Variants in COMMD10 observed in about 807,000 individuals in gnomAD.
COMMD10 encodes COMM domain-containing protein 10.
COMMD10 carries 33 observed loss-of-function variants against 28.9 expected under a neutral mutation model. That is an observed-to-expected ratio of 1.14 (90% CI 0.87 to 1.53). The LOEUF (loss-of-function observed/expected upper bound fraction) is 1.53, where lower values mean the gene tolerates loss of function less well. Ranked by LOEUF, COMMD10 falls within the 40% of genes most tolerant of loss-of-function variation. The pLI, the probability that COMMD10 is intolerant of heterozygous loss-of-function variation, is 0.00. For synonymous variants in COMMD10, 110 were observed against 81.7 expected, an observed-to-expected ratio of 1.35 and a Z score of -1.87; for missense variants, 310 against 233.4, an observed-to-expected ratio of 1.33 and a Z score of -2.14.
chr5:116,115,076 C>G (rs1876673), intron 4 of COMMD10, among the ~76,000 whole-genome samples: 9,827 of 152,164 alleles, frequency 0.065, 426 homozygotes, highest in Admixed American at 0.12. Context: ...CCAGGTCACA[C>G]AATTTGTTAA....
At position 116,171,340 on chromosome 5, in the gene COMMD10, G is replaced by A. The variant is rs188126420; in HGVS notation, c.510+37162G>A. ...AAGTCAGGAAACACCAGATGCTGGA[G>A]AGGGTGTGGAGAAATAGAAATGCTT... On this transcript the variant is annotated intron_variant, in intron 5 of 6. Transcript: ENST00000274458. Among the ~76,000 whole-genome samples, 1,204 of 152,320 alleles carry A rather than the reference G, an allele frequency of 7.9e-3. 15 individuals carry two copies. The highest frequency in any genetic ancestry group is 0.027 in the African/African-American group (1,111 of 41,578).
At chr5:116,217,541 C>T (rs746219683) in intron 5 of COMMD10, among the ~76,000 whole-genome samples, 18 of 152,300 alleles carry the variant, frequency 1.2e-4, no homozygotes, top group South Asian at 2.1e-4. Flanking sequence ...GGAACCACTG[C>T]TCTTTTGACA....
intron 5 of COMMD10, among the ~76,000 whole-genome samples, chr5:116,203,384 A>G (rs1191993633): frequency 2.0e-5 from 3 of 152,264 alleles, no homozygotes; most frequent in Admixed American, 6.5e-5. Context: ...CAGGAAATAC[A>G]GAGAACGCCA....
chr5:116,089,201 G>T (rs941843200), intron 2 of COMMD10, among the ~76,000 whole-genome samples: 1 of 152,116 alleles, frequency 6.6e-6, no homozygotes, highest in African/African-American at 2.4e-5. Context: ...CATCTAATCC[G>T]TATGGCAACT....
intron 4 of COMMD10, among the ~76,000 whole-genome samples, chr5:116,093,061 T>C (rs1283670996): frequency 1.3e-5 from 2 of 152,194 alleles, no homozygotes; most frequent in Admixed American, 6.5e-5. Flanking sequence ...TGAATACATA[T>C]TGGTTTCATG....
chr5:116,129,036 G>T (rs1054316787), intron 4 of COMMD10, among the ~76,000 whole-genome samples: 11 of 151,728 alleles, frequency 7.2e-5, no homozygotes, highest in African/African-American at 2.4e-4. Flanking sequence ...GAGCAGTCGT[G>T]GGTAGATACT....
At chr5:116,179,625 A>G (rs1341687839) in intron 5 of COMMD10, among the ~76,000 whole-genome samples, 1 of 152,162 alleles carries the variant, frequency 6.6e-6, no homozygotes, top group Non-Finnish European at 1.5e-5. Context: ...GAAGGTATAC[A>G]ATAGGAATTA....
chr5:116,125,457 A>G (rs1221610512), intron 4 of COMMD10, among the ~76,000 whole-genome samples: 1 of 152,078 alleles, frequency 6.6e-6, no homozygotes, highest in African/African-American at 2.4e-5. Flanking sequence ...GGGTAACCCG[A>G]CCTTTGTCTC....
chr5:116,112,482 C>T (rs372848772), intron 4 of COMMD10, among the ~76,000 whole-genome samples: 38 of 152,054 alleles, frequency 2.5e-4, no homozygotes, highest in African/African-American at 8.0e-4. Flanking sequence ...CTGCAACCTC[C>T]GTCTCCCAGG....
At chr5:116,275,338 A>G (rs1750875520) in intron 5 of COMMD10, among the ~76,000 whole-genome samples, 1 of 151,826 alleles carries the variant, frequency 6.6e-6, no homozygotes, top group African/African-American at 2.4e-5. Context: ...GCTGGTGGGA[A>G]TATCCCCCAT....
At chr5:116,258,842 A>G (rs1750360938) in intron 5 of COMMD10, among the ~76,000 whole-genome samples, 1 of 151,152 alleles carries the variant, frequency 6.6e-6, no homozygotes, top group Admixed American at 6.6e-5. Flanking sequence ...TTTGTCTGAA[A>G]CCCGAATCTA....
intron 5 of COMMD10, among the ~76,000 whole-genome samples, chr5:116,206,358 T>C (rs1748813116): frequency 6.6e-6 from 1 of 152,144 alleles, no homozygotes; most frequent in Non-Finnish European, 1.5e-5. Flanking sequence ...AGCATAGACA[T>C]TGGAGACGGT....
chr5:116,140,529 A>T (rs1206252188), intron 5 of COMMD10, among the ~76,000 whole-genome samples: 3 of 151,856 alleles, frequency 2.0e-5, no homozygotes, highest in Non-Finnish European at 4.4e-5. Flanking sequence ...ATACCAATTT[A>T]CATTTCCACC....
chr5:116,258,722 T>G (rs551432525), intron 5 of COMMD10, among the ~76,000 whole-genome samples: 1 of 151,890 alleles, frequency 6.6e-6, no homozygotes, highest in East Asian at 1.9e-4. Flanking sequence ...CTTCGTCCTC[T>G]TTCTTTCTCT....
At chr5:116,085,193 C>T in intron 1 of COMMD10, 100 bp downstream of exon 1, 2 of 327,540 alleles carry the variant, frequency 6.1e-6, no homozygotes, top group South Asian at 2.5e-5. Flanking sequence ...GGCGCCGCGG[C>T]GGGCCCGGTT....
chr5:116,167,122 C>G (rs1198084515), intron 5 of COMMD10, among the ~76,000 whole-genome samples: 3 of 150,562 alleles, frequency 2.0e-5, no homozygotes, highest in African/African-American at 7.4e-5. Context: ...GCAGGAATTG[C>G]TAATTAAAAT....
intron 5 of COMMD10, among the ~76,000 whole-genome samples, chr5:116,273,887 A>T (rs527321164): frequency 4.6e-5 from 7 of 151,908 alleles, no homozygotes; most frequent in African/African-American, 1.5e-4. Flanking sequence ...TACAGAAAAG[A>T]GAAAATTTGA....
At chr5:116,216,846 T>TTTC (rs1749116988) in intron 5 of COMMD10, among the ~76,000 whole-genome samples, 2 of 152,140 alleles carry the variant, frequency 1.3e-5, no homozygotes, top group Non-Finnish European at 2.9e-5. Flanking sequence ...AGCATAGAAA[T>TTTC]TTCTAAAGTG....
chr5:116,218,560 A>G (rs1439535860), intron 5 of COMMD10, among the ~76,000 whole-genome samples: 3 of 152,198 alleles, frequency 2.0e-5, no homozygotes, highest in Non-Finnish European at 4.4e-5. Flanking sequence ...AAAGAAATTT[A>G]TCCAACTTGA....
Sources: allele counts gnomAD v4.1 joint callset (sites outside exome capture counted in the v4.1 genomes callset), GRCh38; gene constraint gnomAD v4.1.1; transcripts MANE v1.5; gene names NCBI Gene and HGNC (gene_info 2026-07-23, HGNC 2026-07-21).